Variants in WWOX observed in about 807,000 individuals in gnomAD.
WWOX encodes the protein WW domain-containing oxidoreductase.
Under a neutral mutation model 46.2 loss-of-function variants are expected in WWOX, and 69 were observed. The ratio of observed to expected loss-of-function variants is 1.49; its 90% CI spans 1.23 to 1.82. The LOEUF (loss-of-function observed/expected upper bound fraction) is 1.82. WWOX is among the 40% of genes most tolerant of loss of function. The probability of loss-of-function intolerance (pLI) is 0.00; values close to 1 mark genes in which losing one functional copy is unlikely to be tolerated. For missense variants in WWOX, 919 were observed against 542.6 expected (o/e 1.69, Z -6.89); for synonymous variants, 359 against 202.6 (o/e 1.77, Z -6.56).
intron 8 of WWOX, among the ~76,000 whole-genome samples, chr16:78,648,850 A>T (rs1249304819): frequency 6.6e-6 from 1 of 152,024 alleles, no homozygotes; most frequent in African/African-American, 2.4e-5. Flanking sequence ...AGTGACCTCT[A>T]TTTGTTATTA....
intron 8 of WWOX, among the ~76,000 whole-genome samples, chr16:79,175,629 A>C (rs539449184): frequency 6.6e-4 from 101 of 152,338 alleles, no homozygotes; most frequent in Non-Finnish European, 1.1e-3. Context: ...GACTGTGTCT[A>C]ACTCAGCTGT....
At chr16:78,247,573 C>G (rs1465607108) in intron 5 of WWOX, among the ~76,000 whole-genome samples, 1 of 152,172 alleles carries the variant, frequency 6.6e-6, no homozygotes, top group African/African-American at 2.4e-5. Context: ...TCCTTCGGAT[C>G]TGTTGCATCT....
At chr16:79,031,893 C>CAT (rs1433443725) in intron 8 of WWOX, among the ~76,000 whole-genome samples, 1 of 66,024 alleles carries the variant, frequency 1.5e-5, no homozygotes, top group Non-Finnish European at 3.9e-5. Context: ...TATCTGTATA[C>CAT]AGATATCTAT....
chr16:78,485,203 TG>T (rs888435416), intron 8 of WWOX, among the ~76,000 whole-genome samples: 23 of 152,252 alleles, frequency 1.5e-4, no homozygotes, highest in African/African-American at 5.5e-4. Context: ...CAAAACTGAG[TG>T]GGAAGTGTAG....
At chr16:78,782,353 C>T (rs745763377) in intron 8 of WWOX, among the ~76,000 whole-genome samples, 20 of 152,134 alleles carry the variant, frequency 1.3e-4, no homozygotes, top group Non-Finnish European at 2.4e-4. Context: ...TTTCTTTGGC[C>T]ACTGTTTTTG....
chr16:78,122,461 A>C (rs562630619), intron 4 of WWOX, among the ~76,000 whole-genome samples: 1 of 152,280 alleles, frequency 6.6e-6, no homozygotes, highest in South Asian at 2.1e-4. Flanking sequence ...TTTTTGTTCT[A>C]CTTGAGGTTT....
At chr16:79,203,632 C>G (rs564081779) in intron 8 of WWOX, 5 of 151,972 alleles carry the variant, frequency 3.3e-5, no homozygotes, top group Non-Finnish European at 7.3e-5. Flanking sequence ...ATCCTCCCTG[C>G]TCACAAAACA....
chr16:78,538,327 T>C (rs1213865028), intron 8 of WWOX, among the ~76,000 whole-genome samples: 2 of 151,000 alleles, frequency 1.3e-5, no homozygotes, highest in Admixed American at 6.6e-5. Flanking sequence ...GATAGCAATA[T>C]CTAGGCACGG....
intron 8 of WWOX, among the ~76,000 whole-genome samples, chr16:78,572,338 T>C (rs1005643383): frequency 6.6e-6 from 1 of 152,160 alleles, no homozygotes; most frequent in African/African-American, 2.4e-5. Flanking sequence ...CCCACACCTG[T>C]AATGCCAGCA....
chr16:78,842,323 A>C (rs1191812634), intron 8 of WWOX, among the ~76,000 whole-genome samples: 2 of 143,368 alleles, frequency 1.4e-5, no homozygotes, highest in Non-Finnish European at 3.1e-5. Flanking sequence ...GGCAGACCCC[A>C]TCTCTAAAAA....
chr16:79,046,781 C>T (rs1464188928), intron 8 of WWOX, among the ~76,000 whole-genome samples: 2 of 152,168 alleles, frequency 1.3e-5, no homozygotes, highest in East Asian at 1.9e-4. Flanking sequence ...TGGGCAACTT[C>T]ACCCTGCTCT....
chr16:78,594,532 G>GAAAAGTCTC lies in WWOX; in HGVS notation c.1056+161783_1056+161791dup, dbSNP rs1298033665. Among the ~76,000 whole-genome samples, 8 of 141,284 alleles carry GAAAAGTCTC rather than the reference G, an allele frequency of 5.7e-5. No individual in the cohort carries two copies. The Admixed American group carries it at 6.5e-4, about 11-fold the overall frequency. 92.7% of individuals were successfully genotyped at this position (141,284 alleles called of 152,430 possible). ...ACCCTGCTAGGTACAAATCCCACATGAAAAGTCTCAATCACCTGGCTCAAA... is the reference window on the plus strand; with the variant it reads ...ACCCTGCTAGGTACAAATCCCACATGAAAAGTCTCAAAAGTCTCAATCACCTGGCTCAAA... On this transcript the variant is annotated intron_variant, in intron 8 of 8. Transcript: ENST00000566780.
chr16:78,327,233 G>T (rs562528799), intron 5 of WWOX, among the ~76,000 whole-genome samples: 4 of 152,308 alleles, frequency 2.6e-5, no homozygotes, highest in South Asian at 4.1e-4. Flanking sequence ...ATAAATGGAT[G>T]TGTCATATCG....
chr16:78,806,002 C>A (rs1283025827), intron 8 of WWOX, among the ~76,000 whole-genome samples: 1 of 152,174 alleles, frequency 6.6e-6, no homozygotes, highest in African/African-American at 2.4e-5. Flanking sequence ...GACAAGAAAT[C>A]TTTCAAAGCC....
chr16:78,505,163 A>C (rs1021120647), intron 8 of WWOX, among the ~76,000 whole-genome samples: 2 of 152,204 alleles, frequency 1.3e-5, no homozygotes, highest in African/African-American at 4.8e-5. Context: ...AAGATCTTTT[A>C]AATACACAGA....
rs71137871 is a variant in WWOX, at chr16:78,101,346, C to CTTTTTTTTTTT, written c.107+1468_107+1478dup. Among the ~76,000 whole-genome samples, 63 of 66,836 alleles carry CTTTTTTTTTTT rather than the reference C, an allele frequency of 9.4e-4. 8 individuals carry two copies. Among genetic ancestry groups the CTTTTTTTTTTT allele is most frequent in the African/African-American group, 1.7e-3 (38 of 22,060 alleles). The allele number at this position is 66,836 out of a possible 152,430, so 43.8% of individuals were successfully genotyped here. On this transcript the variant is annotated intron_variant, in intron 1 of 8. Coordinates refer to ENST00000566780, the MANE Select transcript of WWOX (RefSeq NM_016373.4). Reference sequence around the variant, plus strand: ...ACAGGCGTGAGCTACCGCTCCCGGCCTTTTTTTTTTTTTTTTTAAAGACAG... The same window carrying CTTTTTTTTTTT: ...ACAGGCGTGAGCTACCGCTCCCGGCCTTTTTTTTTTTTTTTTTTTTTTTTTTTTAAAGACAG...
intron 8 of WWOX, among the ~76,000 whole-genome samples, chr16:78,830,630 C>G (rs539231855): frequency 1.3e-5 from 2 of 152,072 alleles, no homozygotes; most frequent in South Asian, 4.2e-4. Flanking sequence ...AATTGAATCT[C>G]AGTACCTCTA....
intron 5 of WWOX, among the ~76,000 whole-genome samples, chr16:78,225,147 A>G (rs1015138342): frequency 8.5e-5 from 13 of 152,210 alleles, no homozygotes; most frequent in African/African-American, 2.9e-4. Flanking sequence ...ATAGCCTACT[A>G]CACATCCAGG....
At chr16:78,869,062 A>G (rs976971902) in intron 8 of WWOX, among the ~76,000 whole-genome samples, 2 of 152,214 alleles carry the variant, frequency 1.3e-5, no homozygotes, top group Non-Finnish European at 2.9e-5. Flanking sequence ...TATCATTCAG[A>G]GATAACCACT....
Sources: allele counts gnomAD v4.1 joint callset (sites outside exome capture counted in the v4.1 genomes callset), GRCh38; gene constraint gnomAD v4.1.1; transcripts MANE v1.5; gene names NCBI Gene and HGNC (gene_info 2026-07-23, HGNC 2026-07-21).